The following MAPK10 variants were observed in gnomAD, a reference collection of about 807,000 sequenced individuals.
MAPK10 encodes mitogen-activated protein kinase 10.
MAPK10 carries 25 observed loss-of-function variants against 59.3 expected under a neutral mutation model. The ratio of observed to expected loss-of-function variants is 0.42; its 90% confidence interval spans 0.31 to 0.59. The LOEUF is 0.59. Among genes scored for constraint, MAPK10 ranks in the 20% least tolerant of loss-of-function variants. The pLI is 0.15. For missense variants in MAPK10, 351 were observed against 568.9 expected (o/e 0.62, Z 3.90); for synonymous variants, 190 against 200.5 (o/e 0.95, Z 0.44).
intron 1 of MAPK10, chr4:86,399,950 A>T (rs1743478022): frequency 6.6e-6 from 1 of 152,204 alleles, no homozygotes; most frequent in African/African-American, 2.4e-5. Flanking sequence ...TTCCTATAGA[A>T]AAATTCCCTT....
intron 1 of MAPK10, among the ~76,000 whole-genome samples, chr4:86,545,689 A>G (rs1038794119): frequency 6.6e-6 from 1 of 152,218 alleles, no homozygotes; most frequent in African/African-American, 2.4e-5. Context: ...AATGGACAGG[A>G]AGGAGAAGAG....
intron 4 of MAPK10, chr4:86,119,715 G>T (rs1253764985): frequency 6.6e-6 from 1 of 152,146 alleles, no homozygotes; most frequent in Admixed American, 6.5e-5. Context: ...GATGCTAGGT[G>T]TGCTGCCAGC....
chr4:86,402,817 C>T (rs1743892212), intron 1 of MAPK10, among the ~76,000 whole-genome samples: 1 of 152,180 alleles, frequency 6.6e-6, no homozygotes, highest in Admixed American at 6.5e-5. Context: ...ATCCCAGAAA[C>T]AGGCCAGCCT....
At chr4:86,279,258 T>C in intron 2 of MAPK10, among the ~76,000 whole-genome samples, 1 of 152,294 alleles carries the variant, frequency 6.6e-6, no homozygotes, top group East Asian at 1.9e-4. Flanking sequence ...GGCCGTCTTA[T>C]TGATTTGTTG....
intron 2 of MAPK10, among the ~76,000 whole-genome samples, chr4:86,250,483 T>C (rs957071332): frequency 6.6e-6 from 1 of 152,188 alleles, no homozygotes; most frequent in African/African-American, 2.4e-5. Flanking sequence ...GCTTTTGCTG[T>C]TAATATTTAC....
At chr4:86,147,242 A>G (rs1210760571) in intron 4 of MAPK10, among the ~76,000 whole-genome samples, 5 of 151,972 alleles carry the variant, frequency 3.3e-5, no homozygotes, top group Admixed American at 1.3e-4. Context: ...ACATGCCACC[A>G]TGCCTGGCTA....
chr4:86,043,958 ATGTC>A (rs1455471694), intron 11 of MAPK10, among the ~76,000 whole-genome samples: 1 of 152,184 alleles, frequency 6.6e-6, no homozygotes, highest in African/African-American at 2.4e-5. Context: ...ACTGAATACA[ATGTC>A]TGTGTTCTTT....
At chr4:86,466,248 C>T (rs1752188912) in intron 1 of MAPK10, among the ~76,000 whole-genome samples, 1 of 152,174 alleles carries the variant, frequency 6.6e-6, no homozygotes, top group Non-Finnish European at 1.5e-5. Flanking sequence ...GGCAGAGGTG[C>T]TGTGCAACGA....
chr4:86,334,516 T>G (rs1487234580), intron 2 of MAPK10, among the ~76,000 whole-genome samples: 2 of 152,310 alleles, frequency 1.3e-5, no homozygotes, highest in East Asian at 3.9e-4. Context: ...ATAATGTAAT[T>G]TGACCCTGCA....
At chr4:86,435,360 C>T (rs1009193527) in intron 1 of MAPK10, among the ~76,000 whole-genome samples, 13 of 151,774 alleles carry the variant, frequency 8.6e-5, no homozygotes, top group South Asian at 4.2e-4. Flanking sequence ...TACCGGGCAT[C>T]GTGGCAGGCG....
chr4:86,145,481 A>G lies in MAPK10; in HGVS notation c.236+13817T>C, dbSNP rs368986819. Among the ~76,000 whole-genome samples, 22 of 152,252 alleles carry G rather than the reference A, an allele frequency of 1.4e-4. No individual in the cohort carries two copies. The East Asian group carries it at 1.9e-3, about 13-fold the overall frequency. On this transcript the variant is annotated intron_variant, in intron 4 of 13. Coordinates refer to ENST00000641462, the MANE Select transcript of MAPK10 (RefSeq NM_138982.4). Reference sequence around the variant, plus strand: ...TTGTAAGCAAAAATAGTATTTCTCAATGTTTCTGTTTCACAAAGAATTACT... The same window carrying G: ...TTGTAAGCAAAAATAGTATTTCTCAGTGTTTCTGTTTCACAAAGAATTACT...
In MAPK10 at chr4:86,121,538, C is replaced by T. The variant is rs141484952; in HGVS notation, c.237-14186G>A. ...ATAACTTTTCATTTAGCTCAAATGA[C>T]TGTTCTTCTAAATTAATTTTGTTTA... On this transcript the variant is annotated intron_variant, in intron 4 of 13. Transcript: ENST00000641462. Among the ~76,000 whole-genome samples, 1,464 of 152,208 alleles carry T rather than the reference C, an allele frequency of 9.6e-3. 25 individuals carry two copies. The highest frequency in any genetic ancestry group is 0.033 in the African/African-American group (1,390 of 41,534).
chr4:86,228,409 C>A (rs753997155), intron 2 of MAPK10, among the ~76,000 whole-genome samples: 16 of 152,194 alleles, frequency 1.1e-4, no homozygotes, highest in Non-Finnish European at 2.2e-4. Context: ...TCGTGTATCA[C>A]AATATCATGT....
At chr4:86,502,293 A>G (rs974767308) in intron 1 of MAPK10, among the ~76,000 whole-genome samples, 1 of 152,058 alleles carries the variant, frequency 6.6e-6, no homozygotes, top group Non-Finnish European at 1.5e-5. Flanking sequence ...ACCCATTCAG[A>G]ATATAATGGA....
chr4:86,179,265 A>G (rs1343206774), intron 3 of MAPK10, among the ~76,000 whole-genome samples: 2 of 152,024 alleles, frequency 1.3e-5, no homozygotes, highest in African/African-American at 2.4e-5. Flanking sequence ...TTACAATAGT[A>G]CACAAACAAT....
chr4:86,026,710 A>G (rs1211900304), intron 13 of MAPK10: 2 of 152,174 alleles, frequency 1.3e-5, no homozygotes, highest in Non-Finnish European at 2.9e-5. Flanking sequence ...TACCACAGCT[A>G]TTTTCAAAAT....
intron 2 of MAPK10, among the ~76,000 whole-genome samples, chr4:86,230,864 G>A (rs2091436021): frequency 6.6e-6 from 1 of 152,078 alleles, no homozygotes; most frequent in South Asian, 2.1e-4. Flanking sequence ...TACTTGCTCA[G>A]TCTGCTTTTT....
chr4:86,589,094 T>C (rs974437461), intron 1 of MAPK10, among the ~76,000 whole-genome samples: 1 of 150,956 alleles, frequency 6.6e-6, no homozygotes, highest in South Asian at 2.1e-4. Context: ...AAGAATAAAA[T>C]GTGAAAAACA....
At position 86,148,858 on chromosome 4, in the gene MAPK10, C is replaced by T. The variant is rs185052462; in HGVS notation, c.236+10440G>A. ...TAAAGTACAGCCAAAAGACAGAAGA[C>T]ATCAGGCATTGAACTGTGAAAAACG... is the stretch of plus-strand genomic sequence containing the variant. On this transcript the variant is annotated intron_variant, in intron 4 of 13. Transcript: ENST00000641462. 2.3e-3 allele frequency among the ~76,000 whole-genome samples: 345 copies of T among 152,256 alleles called. 6 individuals carry two copies. The Middle Eastern group carries it at 0.041, about 18-fold the overall frequency.
Sources: allele counts gnomAD v4.1 joint callset (sites outside exome capture counted in the v4.1 genomes callset), GRCh38; gene constraint gnomAD v4.1.1; transcripts MANE v1.5; gene names NCBI Gene and HGNC (gene_info 2026-07-23, HGNC 2026-07-21).